SENP7: variants seen among roughly 807,000 people sequenced by gnomAD.
SENP7 encodes the protein sentrin-specific protease 7.
A neutral mutation model predicts 141.2 loss-of-function variants in SENP7; 64 were observed. That is an observed-to-expected ratio of 0.45 (90% CI 0.37 to 0.56). The LOEUF is 0.56. Among genes scored for constraint, SENP7 ranks in the 20% least tolerant of loss-of-function variants. The pLI, the probability that SENP7 is intolerant of heterozygous loss-of-function variation, is 0.00. For synonymous variants in SENP7, 382 were observed against 426.4 expected (o/e 0.90, Z 1.28); for missense variants, 1,025 against 1,212.2 (o/e 0.85, Z 2.29).
At chr3:101,424,085 G>C (rs1426323194) in intron 4 of SENP7, among the ~76,000 whole-genome samples, 4 of 152,110 alleles carry the variant, frequency 2.6e-5, no homozygotes, top group Non-Finnish European at 4.4e-5. Context: ...GGGTTGTCTT[G>C]CCTATCAAAC....
intron 4 of SENP7, among the ~76,000 whole-genome samples, chr3:101,456,506 A>C (rs180980869): frequency 9.2e-5 from 14 of 152,302 alleles, no homozygotes; most frequent in Admixed American, 4.6e-4. Flanking sequence ...TATAATGTTA[A>C]TGCTGTGACC....
chr3:101,469,540 C>A (rs1576449525), intron 3 of SENP7, among the ~76,000 whole-genome samples: 2 of 122,932 alleles, frequency 1.6e-5, no homozygotes, highest in South Asian at 5.4e-4. Flanking sequence ...GAACAGATAT[C>A]ACGGCCGGGC....
At chr3:101,446,278 C>CA (rs950498118) in intron 4 of SENP7, among the ~76,000 whole-genome samples, 13 of 152,168 alleles carry the variant, frequency 8.5e-5, no homozygotes, top group Admixed American at 5.2e-4. Flanking sequence ...CCAATTAAAC[C>CA]TCCTTTCTTT....
intron 6 of SENP7, among the ~76,000 whole-genome samples, chr3:101,374,143 C>A (rs1214612487): frequency 1.3e-5 from 2 of 152,016 alleles, no homozygotes; most frequent in African/African-American, 4.8e-5. Context: ...AACCCAGGAA[C>A]AAACTTTCAA....
At chr3:101,441,542 G>A (rs2062673448) in intron 4 of SENP7, among the ~76,000 whole-genome samples, 1 of 151,834 alleles carries the variant, frequency 6.6e-6, no homozygotes, top group Non-Finnish European at 1.5e-5. Flanking sequence ...ACTCACCATT[G>A]CCAATGCCCA....
rs2058878214 is a variant in SENP7, at chr3:101,325,551, AAGC to A, written c.*389_*391del. The A allele has an allele frequency of 6.5e-6, 1 of 153,098 alleles. No homozygotes were observed. Among genetic ancestry groups the A allele is most frequent in the Non-Finnish European group, 1.5e-5 (1 of 68,432 alleles). The allele number at this position is 153,098 out of a possible 1,614,324, so 9.5% of individuals were successfully genotyped here. A position where few individuals can be genotyped will look rare whatever the true frequency, so the allele number is the denominator to read the frequency against. The stretch of plus-strand genomic sequence containing the variant: ...GATGTGACCTGTCAGCAAATTTGAC[AAGC>A]ACTGGGGCTGGCACCAGGGAGGCTT... On this transcript the variant is annotated 3_prime_UTR_variant, in exon 24 of 24. Coordinates refer to ENST00000394095, the MANE Select transcript of SENP7 (RefSeq NM_020654.5).
At chr3:101,382,634 CTTA>C in intron 6 of SENP7, among the ~76,000 whole-genome samples, 1 of 152,204 alleles carries the variant, frequency 6.6e-6, no homozygotes, top group South Asian at 2.1e-4. Context: ...AAAGGGAGTT[CTTA>C]ATAAATATTT....
intron 3 of SENP7, among the ~76,000 whole-genome samples, chr3:101,463,396 T>TATATATATATATATATAC (rs1320861204): frequency 7.2e-5 from 6 of 82,862 alleles, no homozygotes; most frequent in Non-Finnish European, 9.1e-5. Flanking sequence ...TATATATATA[T>TATATATATATATATATAC]ACATATATAT....
chr3:101,386,247 T>C (rs941656115), intron 6 of SENP7, among the ~76,000 whole-genome samples: 6 of 152,132 alleles, frequency 3.9e-5, no homozygotes, highest in African/African-American at 1.2e-4. Flanking sequence ...CTGGCTAAGA[T>C]GCACTCAGAG....
At chr3:101,481,859 CA>C (rs916355087) in intron 3 of SENP7, among the ~76,000 whole-genome samples, 4 of 151,880 alleles carry the variant, frequency 2.6e-5, no homozygotes, top group Non-Finnish European at 4.4e-5. Context: ...GTGGAAATTC[CA>C]AAAGAATGAA....
chr3:101,457,331 T>G (rs2063385623), intron 4 of SENP7: 1 of 1,413,330 alleles, frequency 7.1e-7, no homozygotes, highest in Non-Finnish European at 9.9e-7. Flanking sequence ...CAAGTGGTGC[T>G]TTTCCATCCA....
At chr3:101,326,210 C>T (rs1193811113) in intron 23 of SENP7, 130 bp from the exon 24 acceptor site, 2 of 713,438 alleles carry the variant, frequency 2.8e-6, no homozygotes, top group South Asian at 2.5e-5. Flanking sequence ...ATATAATTCA[C>T]ATAATACAAT....
At chr3:101,398,728 G>A (rs1391917723) in intron 6 of SENP7, 133 bp downstream of exon 6, 18 of 645,884 alleles carry the variant, frequency 2.8e-5, no homozygotes, top group East Asian at 8.9e-5. Context: ...CCAGCCACCC[G>A]GGGAGAAAAA....
In SENP7 at chr3:101,325,487, T is replaced by A. The variant is rs1044196869; in HGVS notation, c.*456A>T. 1 of 152,586 alleles carries A rather than the reference T, an allele frequency of 6.6e-6. No individual in the cohort carries two copies. Among genetic ancestry groups the A allele is most frequent in the African/African-American group, 2.4e-5 (1 of 41,442 alleles). The allele number at this position is 152,586 out of a possible 1,614,324, so 9.5% of individuals were successfully genotyped here. A position where few individuals can be genotyped will look rare whatever the true frequency, so the allele number is the denominator to read the frequency against. On this transcript the variant is annotated 3_prime_UTR_variant, in exon 24 of 24. Transcript: ENST00000394095. The stretch of plus-strand genomic sequence containing the variant: ...TTTTTTAAAAAATACACAGTATTCA[T>A]ACTGCATGCTTGAGCTGCAAAGAAT...
At chr3:101,508,176 T>C (rs2065705019) in intron 1 of SENP7, among the ~76,000 whole-genome samples, 1 of 151,972 alleles carries the variant, frequency 6.6e-6, no homozygotes, top group African/African-American at 2.4e-5. Context: ...TTACGTATCA[T>C]CAAAATTCAC....
At chr3:101,499,691 A>G (rs548195103) in intron 2 of SENP7, among the ~76,000 whole-genome samples, 1 of 152,104 alleles carries the variant, frequency 6.6e-6, no homozygotes, top group East Asian at 1.9e-4. Flanking sequence ...ACCTGCCACC[A>G]CACCCCGCTA....
intron 3 of SENP7, among the ~76,000 whole-genome samples, chr3:101,486,686 T>TA (rs1175050357): frequency 1.3e-5 from 2 of 151,896 alleles, no homozygotes; most frequent in East Asian, 3.9e-4. Flanking sequence ...ACCTATAAAA[T>TA]AAAAATACAA....
chr3:101,384,574 C>T (rs1477676134), intron 6 of SENP7, among the ~76,000 whole-genome samples: 2 of 152,238 alleles, frequency 1.3e-5, no homozygotes, highest in Non-Finnish European at 2.9e-5. Context: ...CGTGCCAGCA[C>T]CTGGAGCTGC....
intron 11 of SENP7, chr3:101,357,916 A>T: frequency 1.6e-6 from 1 of 610,030 alleles, no homozygotes; most frequent in Non-Finnish European, 2.8e-6. Flanking sequence ...TTCACACTGG[A>T]GAGAAACCCT....
Sources: gnomAD v4.1 joint callset for allele counts (sites outside exome capture counted in the v4.1 genomes callset) on GRCh38, gnomAD v4.1.1 for gene constraint, MANE v1.5 for transcripts, NCBI Gene and HGNC (gene_info 2026-07-23, HGNC 2026-07-21) for gene names.